CHM: variants seen among roughly 807,000 people sequenced by gnomAD.
CHM encodes rab proteins geranylgeranyltransferase component A 1.
A neutral mutation model predicts 49.0 loss-of-function variants in CHM; 10 were observed. The observed-to-expected ratio is 0.20, with a 90% CI of 0.13 to 0.35. CHM has a LOEUF of 0.35. Among genes scored for constraint, CHM ranks in the 10% least tolerant of loss-of-function variants. CHM has a pLI of 1.00. For missense variants in CHM, 455 were observed against 478.4 expected (o/e 0.95, Z 0.46); for synonymous variants, 184 against 167.5 (o/e 1.10, Z -0.76).
At chrX:86,007,514 G>GACAAAGGGCTAATATCCAGAATCT (rs1932887746) in intron 2 of CHM, among the ~76,000 whole-genome samples, 1 of 111,599 alleles carries the variant, frequency 9.0e-6, no homozygotes, top group African/African-American at 3.3e-5. Flanking sequence ...CTACCCATCT[G>GACAAAGGGCTAATATCCAGAATCT]ACAAAGGGCT....
intron 12 of CHM, among the ~76,000 whole-genome samples, chrX:85,881,847 T>C (rs1924780713): frequency 8.9e-6 from 1 of 112,246 alleles, no homozygotes; most frequent in Non-Finnish European, 1.9e-5. Flanking sequence ...AAAACTGTAA[T>C]ATATTTATGA....
rs781053852 is a variant in CHM at position 85,963,733 on chromosome X, T to C, written c.634A>G (p.Lys212Glu). The C allele has an allele frequency of 7.5e-6, 9 of 1,206,258 alleles. No homozygotes were observed. The African/African-American group carries it at 1.2e-4, about 16-fold the overall frequency. Reference sequence around the variant, plus strand: ...ATTTGTGAGTAAGTAATTCTGTTTTTCTTTGGTTGCTCTGTGGTATCTTCT... The same window carrying C: ...ATTTGTGAGTAAGTAATTCTGTTTTCCTTTGGTTGCTCTGTGGTATCTTCT... ...IAEDTTEQPKKNRITYSQIIK... is the reference protein window; with the variant it reads ...IAEDTTEQPKENRITYSQIIK... The change falls in exon 5 of 15, where the codon AAA becomes GAA. Residue 212 changes from lysine (K) to glutamate (E), a missense_variant. Lys to Glu is a moderately conservative substitution (Grantham distance 56). Coordinates refer to ENST00000357749, the MANE Select transcript of CHM (RefSeq NM_000390.4).
chrX:85,985,245 G>A (rs978129466), intron 2 of CHM, among the ~76,000 whole-genome samples: 3 of 112,146 alleles, frequency 2.7e-5, no homozygotes, highest in African/African-American at 9.7e-5. Context: ...CCAAGCCATC[G>A]CAGGTCAGAC....
intron 2 of CHM, among the ~76,000 whole-genome samples, chrX:85,991,539 CTAT>C (rs1350220253): frequency 9.0e-6 from 1 of 111,392 alleles, no homozygotes; most frequent in Non-Finnish European, 1.9e-5. Flanking sequence ...TCAAAATGAG[CTAT>C]TATTAATAGG....
intron 2 of CHM, among the ~76,000 whole-genome samples, chrX:85,999,440 G>A (rs1762883192): frequency 9.0e-6 from 1 of 110,625 alleles, no homozygotes; most frequent in Non-Finnish European, 1.9e-5. Context: ...ATATATGAAG[G>A]TAGTATATAA....
chrX:85,912,051 G>A (rs1030745917), intron 8 of CHM, among the ~76,000 whole-genome samples: 4 of 22,335 alleles, frequency 1.8e-4, no homozygotes, highest in South Asian at 5.9e-3. Context: ...AAAAGAGGGA[G>A]AAAACAAGCA....
At chrX:86,004,241 T>C (rs1347421515) in intron 2 of CHM, among the ~76,000 whole-genome samples, 28 of 111,691 alleles carry the variant, frequency 2.5e-4, no homozygotes, top group African/African-American at 9.1e-4. Flanking sequence ...CAGGCCTGCC[T>C]TACAAGAGCT....
chrX:85,992,299 A>T (rs1188237680), intron 2 of CHM, among the ~76,000 whole-genome samples: 2 of 111,433 alleles, frequency 1.8e-5, no homozygotes, highest in African/African-American at 6.5e-5. Context: ...CTAGGACCTA[A>T]AATACAACCA....
At chrX:85,887,366 C>T (rs1925148308) in intron 12 of CHM, among the ~76,000 whole-genome samples, 1 of 111,836 alleles carries the variant, frequency 8.9e-6, no homozygotes, top group African/African-American at 3.3e-5. Context: ...CCATGTAACA[C>T]ATGACTTGCT....
chrX:86,026,292 T>A (rs1933823746), intron 2 of CHM, among the ~76,000 whole-genome samples: 2 of 105,856 alleles, frequency 1.9e-5, no homozygotes, highest in South Asian at 9.1e-4. Flanking sequence ...CCCAGCTAAG[T>A]TTTGTATTTT....
intron 2 of CHM, among the ~76,000 whole-genome samples, chrX:85,984,151 G>A (rs1420907818): frequency 2.7e-5 from 3 of 110,255 alleles, no homozygotes; most frequent in Non-Finnish European, 3.8e-5. Context: ...GCAGTGAACC[G>A]AGATCGTGCC....
At chrX:85,956,006 G>C in intron 8 of CHM, 147 bp downstream of exon 8, 1 of 475,261 alleles carries the variant, frequency 2.1e-6, no homozygotes, top group Non-Finnish European at 3.5e-6. Context: ...TAGATAGGTA[G>C]GTAAATAGAT....
chrX:85,910,856 G>A (rs1011175720), intron 9 of CHM, among the ~76,000 whole-genome samples: 1 of 106,369 alleles, frequency 9.4e-6, no homozygotes, highest in African/African-American at 3.4e-5. Context: ...AAGGCCACAA[G>A]GAAAACTAAC....
intron 8 of CHM, among the ~76,000 whole-genome samples, chrX:85,938,240 C>T (rs889407829): frequency 8.0e-5 from 9 of 112,174 alleles, no homozygotes; most frequent in African/African-American, 2.9e-4. Context: ...AAGAAACACT[C>T]TTTCCTCAAG....
intron 1 of CHM, among the ~76,000 whole-genome samples, 178 bp from the exon 2 acceptor site, chrX:86,027,735 T>G (rs1349107868): frequency 8.9e-6 from 1 of 111,935 alleles, no homozygotes; most frequent in Non-Finnish European, 1.9e-5. Flanking sequence ...CTTAAACATA[T>G]ACCACTCATA....
intron 9 of CHM, among the ~76,000 whole-genome samples, chrX:85,910,660 C>T (rs1926874777): frequency 9.0e-6 from 1 of 111,300 alleles, no homozygotes; most frequent in African/African-American, 3.3e-5. Context: ...AAAATTTATC[C>T]TTAGATAAGA....
chrX:85,899,605 T>A (rs941753402), intron 11 of CHM, among the ~76,000 whole-genome samples: 1 of 109,295 alleles, frequency 9.1e-6, no homozygotes, highest in African/African-American at 3.3e-5. Context: ...TGTATTTTTT[T>A]AAAAACACAT....
At chrX:86,006,847 T>C (rs1932867417) in intron 2 of CHM, among the ~76,000 whole-genome samples, 1 of 111,812 alleles carries the variant, frequency 8.9e-6, no homozygotes, top group African/African-American at 3.3e-5. Context: ...AGGTAATTTA[T>C]AGATTCAATG....
intron 8 of CHM, among the ~76,000 whole-genome samples, chrX:85,945,428 C>A (rs1929348027): frequency 1.1e-5 from 1 of 92,176 alleles, no homozygotes; most frequent in African/African-American, 4.0e-5. Flanking sequence ...TGTGTGGCAT[C>A]TCCCTCTCTC....
Sources: gnomAD v4.1 joint callset for allele counts (sites outside exome capture counted in the v4.1 genomes callset) on GRCh38, gnomAD v4.1.1 for gene constraint, MANE v1.5 for transcripts, NCBI Gene and HGNC (gene_info 2026-07-23, HGNC 2026-07-21) for gene names.